The following SUSD6 variants were observed in gnomAD, a reference collection of about 807,000 sequenced individuals.
SUSD6 encodes sushi domain-containing protein 6.
A neutral mutation model predicts 28.4 loss-of-function variants in SUSD6; 16 were observed. The ratio of observed to expected loss-of-function variants is 0.56; its 90% CI spans 0.38 to 0.86. SUSD6 has a LOEUF of 0.86. SUSD6 is among the 40% of genes least tolerant of loss of function. SUSD6 has a pLI of 0.00. For synonymous variants in SUSD6, 147 were observed against 159.6 expected (o/e 0.92, Z 0.59); for missense variants, 341 against 384.2 (o/e 0.89, Z 0.94).
chr14:69,677,281 T>TA (rs1014774920), intron 2 of SUSD6, among the ~76,000 whole-genome samples: 1 of 152,164 alleles, frequency 6.6e-6, no homozygotes. Context: ...CGTGGTGGCT[T>TA]ACGCCTGTAA....
At position 69,646,029 on chromosome 14, in the gene SUSD6, C is replaced by T. The variant is rs551015501; in HGVS notation, c.-80-12484C>T. Among the ~76,000 whole-genome samples, 10 of 152,266 alleles carry T rather than the reference C, an allele frequency of 6.6e-5. No homozygotes were observed. The East Asian group carries it at 1.4e-3, about 21-fold the overall frequency. The stretch of plus-strand genomic sequence containing the variant: ...CCTCCCAAAGTGCTGGGATTACAAG[C>T]GTGAGCCACTGCGCCTGGCCTCCCA... On this transcript the variant is annotated intron_variant, in intron 1 of 5. Transcript: ENST00000342745.
chr14:69,641,556 G>A (rs891355209), intron 1 of SUSD6, among the ~76,000 whole-genome samples: 7 of 151,656 alleles, frequency 4.6e-5, no homozygotes, highest in Non-Finnish European at 7.4e-5. Flanking sequence ...TCAGGTATTG[G>A]TATTCTTCCC....
chr14:69,627,721 C>T (rs527801060), intron 1 of SUSD6, among the ~76,000 whole-genome samples: 19 of 152,268 alleles, frequency 1.2e-4, no homozygotes, highest in Middle Eastern at 3.4e-3. Flanking sequence ...GCCTCGGCCT[C>T]CCAAAGTGCT....
chr14:69,621,252 G>T (rs575463073), intron 1 of SUSD6, among the ~76,000 whole-genome samples: 2 of 152,164 alleles, frequency 1.3e-5, no homozygotes, highest in Non-Finnish European at 2.9e-5. Context: ...TGACTTTGAG[G>T]TTATGAGCCT....
intron 2 of SUSD6, among the ~76,000 whole-genome samples, chr14:69,681,065 G>C (rs1885990872): frequency 6.6e-6 from 1 of 152,102 alleles, no homozygotes; most frequent in Non-Finnish European, 1.5e-5. Flanking sequence ...CCTTTTTTGT[G>C]GTTAAGAGCT....
At chr14:69,671,746 A>G (rs934062021) in intron 2 of SUSD6, among the ~76,000 whole-genome samples, 2 of 152,202 alleles carry the variant, frequency 1.3e-5, no homozygotes, top group African/African-American at 4.8e-5. Flanking sequence ...TCAGGGGTGC[A>G]GAGAACTATT....
At chr14:69,703,268 TC>T in intron 2 of SUSD6, 126 bp from the exon 3 acceptor site, 1 of 764,426 alleles carries the variant, frequency 1.3e-6, no homozygotes, top group East Asian at 2.6e-5. Context: ...GGTTAACAGT[TC>T]CTCCAAGGAA....
At chr14:69,648,080 A>G (rs1013428455) in intron 1 of SUSD6, among the ~76,000 whole-genome samples, 1 of 152,184 alleles carries the variant, frequency 6.6e-6, no homozygotes, top group Non-Finnish European at 1.5e-5. Context: ...TGATGATGAC[A>G]ATAATAATGA....
At chr14:69,706,219 C>T (rs1207854870) in intron 4 of SUSD6, among the ~76,000 whole-genome samples, 1 of 152,094 alleles carries the variant, frequency 6.6e-6, no homozygotes, top group African/African-American at 2.4e-5. Context: ...CAGCTATTTC[C>T]ACCTAAAGTC....
intron 1 of SUSD6, among the ~76,000 whole-genome samples, chr14:69,629,461 C>T (rs1160610761): frequency 2.0e-5 from 3 of 152,176 alleles, no homozygotes; most frequent in Non-Finnish European, 2.9e-5. Flanking sequence ...ACACCACCTC[C>T]GTGGATTACC....
chr14:69,676,296 G>T (rs912900897), intron 2 of SUSD6, among the ~76,000 whole-genome samples: 1 of 152,188 alleles, frequency 6.6e-6, no homozygotes, highest in Admixed American at 6.5e-5. Flanking sequence ...TACAAAGAAG[G>T]TGGTAAGGTT....
At chr14:69,676,415 C>T (rs1482780495) in intron 2 of SUSD6, among the ~76,000 whole-genome samples, 2 of 149,424 alleles carry the variant, frequency 1.3e-5, no homozygotes, top group East Asian at 1.9e-4. Flanking sequence ...GGTTCTTGCT[C>T]TGTTTCCCAG....
At chr14:69,691,467 A>G (rs1886151933) in intron 2 of SUSD6, among the ~76,000 whole-genome samples, 1 of 152,216 alleles carries the variant, frequency 6.6e-6, no homozygotes, top group African/African-American at 2.4e-5. Context: ...TTCTGTTACC[A>G]TCCATAACTA....
chr14:69,623,384 AC>A lies in SUSD6; in HGVS notation c.-81+11558del, dbSNP rs572546191. 1.8e-3 allele frequency among the ~76,000 whole-genome samples: 278 copies of A among 152,268 alleles called. 2 individuals carry two copies. Among genetic ancestry groups the A allele is most frequent in the Admixed American group, 3.3e-3 (51 of 15,300 alleles). ...AAGGTCATAGCACAATGCATTACTCACCTGTTTGTGGTGATGCTGTTACAAA... is the reference window on the plus strand; with the variant it reads ...AAGGTCATAGCACAATGCATTACTCACTGTTTGTGGTGATGCTGTTACAAA... On this transcript the variant is annotated intron_variant, in intron 1 of 5. Transcript: ENST00000342745.
chr14:69,637,807 G>A (rs1041458178), intron 1 of SUSD6, among the ~76,000 whole-genome samples: 2 of 152,156 alleles, frequency 1.3e-5, no homozygotes, highest in African/African-American at 4.8e-5. Flanking sequence ...ACAGCGGGTG[G>A]GGTGAGAGGG....
At chr14:69,623,326 A>G (rs1238893809) in intron 1 of SUSD6, among the ~76,000 whole-genome samples, 1 of 152,208 alleles carries the variant, frequency 6.6e-6, no homozygotes, top group Non-Finnish European at 1.5e-5. Flanking sequence ...GAACTGAAAA[A>G]TTTCTATCAT....
At chr14:69,618,922 G>A (rs1251020306) in intron 1 of SUSD6, among the ~76,000 whole-genome samples, 3 of 152,138 alleles carry the variant, frequency 2.0e-5, no homozygotes, top group Non-Finnish European at 1.5e-5. Context: ...ATGAAGAGAG[G>A]TTCTAGGTTC....
intron 2 of SUSD6, among the ~76,000 whole-genome samples, chr14:69,701,592 A>C (rs74060286): frequency 0.039 from 5,863 of 152,218 alleles, 369 homozygotes; most frequent in African/African-American, 0.13. Flanking sequence ...GCTCTGAACT[A>C]CTTGGCCAAA....
intron 2 of SUSD6, among the ~76,000 whole-genome samples, chr14:69,660,160 C>T (rs1699862803): frequency 6.6e-6 from 1 of 152,150 alleles, no homozygotes; most frequent in African/African-American, 2.4e-5. Context: ...GCTGTAGAGC[C>T]TCCATAGTTT....
Sources: allele counts gnomAD v4.1 joint callset (sites outside exome capture counted in the v4.1 genomes callset), GRCh38; gene constraint gnomAD v4.1.1; transcripts MANE v1.5; gene names NCBI Gene and HGNC (gene_info 2026-07-23, HGNC 2026-07-21).